The following USP12 variants were observed in gnomAD, a reference collection of about 807,000 sequenced individuals.
USP12 encodes ubiquitin specific peptidase 12.
Under a neutral mutation model 45.5 loss-of-function variants are expected in USP12, and 19 were observed. The observed-to-expected ratio is 0.42, with a 90% CI of 0.29 to 0.61. USP12 has a LOEUF of 0.61. Among genes scored for constraint, USP12 ranks in the 20% least tolerant of loss-of-function variants. The pLI is 0.22. For synonymous variants in USP12, 149 were observed against 148.8 expected (o/e 1.00, Z -0.01); for missense variants, 242 against 447.7 (o/e 0.54, Z 4.15).
At chr13:27,072,694 T>C (rs1473932738) in intron 7 of USP12, among the ~76,000 whole-genome samples, 4 of 151,172 alleles carry the variant, frequency 2.6e-5, no homozygotes, top group Admixed American at 6.6e-5. Flanking sequence ...AGACAGGAGG[T>C]AGAAGGGAGA....
chr13:27,168,922 TA>T (rs1190205678), intron 1 of USP12: 1 of 152,210 alleles, frequency 6.6e-6, no homozygotes, highest in Non-Finnish European at 1.5e-5. Flanking sequence ...CAACTCATCC[TA>T]AATGTTTTCA....
At chr13:27,146,923 C>T (rs1361293731) in intron 1 of USP12, among the ~76,000 whole-genome samples, 2 of 152,088 alleles carry the variant, frequency 1.3e-5, no homozygotes, top group African/African-American at 2.4e-5. Context: ...GAAATTTGGA[C>T]ACAGACACAG....
At chr13:27,118,908 C>G (rs541969466) in intron 1 of USP12, among the ~76,000 whole-genome samples, 1 of 152,330 alleles carries the variant, frequency 6.6e-6, no homozygotes, top group African/African-American at 2.4e-5. Context: ...GTACCACATA[C>G]TTTCATGCCT....
intron 6 of USP12, among the ~76,000 whole-genome samples, chr13:27,087,550 C>T (rs531920017): frequency 1.3e-5 from 2 of 152,310 alleles, no homozygotes; most frequent in East Asian, 1.9e-4. Context: ...TTTATAAATA[C>T]TCATCTATCC....
chr13:27,110,127 T>TAAAAAAAAAAAAAAAA (rs1555234986), intron 2 of USP12, among the ~76,000 whole-genome samples: 1 of 119,620 alleles, frequency 8.4e-6, no homozygotes, highest in African/African-American at 3.2e-5. Flanking sequence ...CTTTTCCAGG[T>TAAAAAAAAAAAAAAAA]AAAAAAAAAA....
At chr13:27,070,194 T>C (rs2137749629) in intron 8 of USP12, among the ~76,000 whole-genome samples, 1 of 152,314 alleles carries the variant, frequency 6.6e-6, no homozygotes, top group South Asian at 2.1e-4. Context: ...GTGAATAAAG[T>C]CTGACACAAA....
chr13:27,171,541 G>C (rs2137856695), intron 1 of USP12, 51 bp downstream of exon 1: 1 of 1,080,178 alleles, frequency 9.3e-7, no homozygotes, highest in Non-Finnish European at 1.2e-6. Context: ...AGCGCCGCCC[G>C]CCCGCCCGAG....
At chr13:27,154,828 T>A (rs61944155) in intron 1 of USP12, among the ~76,000 whole-genome samples, 3,181 of 151,890 alleles carry the variant, frequency 0.021, 45 homozygotes, top group Non-Finnish European at 0.032. Context: ...AAGGGTCTGG[T>A]AAGTGAAAGA....
intron 1 of USP12, among the ~76,000 whole-genome samples, chr13:27,165,223 G>A (rs572476127): frequency 7.4e-4 from 113 of 151,982 alleles, no homozygotes; most frequent in Admixed American, 2.7e-3. Context: ...CCAGATAAAA[G>A]AAATAAATTA....
intron 1 of USP12, among the ~76,000 whole-genome samples, chr13:27,165,918 A>G (rs969421247): frequency 1.3e-5 from 2 of 151,620 alleles, no homozygotes; most frequent in Non-Finnish European, 2.9e-5. Flanking sequence ...TGGGCTACAG[A>G]GCAAAAAAAA....
chr13:27,067,588 A>G lies in USP12; in HGVS notation c.*1695T>C, dbSNP rs1487651625. Reference sequence around the variant, plus strand: ...GCAGCCCAATTAAGTGACTCTGTTAAAGGTCTGCTTATGGAAAAAATAGGT... The same window carrying G: ...GCAGCCCAATTAAGTGACTCTGTTAGAGGTCTGCTTATGGAAAAAATAGGT... On this transcript the variant is annotated 3_prime_UTR_variant, in exon 9 of 9. Coordinates refer to ENST00000282344, the MANE Select transcript of USP12 (RefSeq NM_182488.4). 6.6e-6 allele frequency: 1 copy of G among 152,230 alleles called. No individual in the cohort carries two copies. Among genetic ancestry groups the G allele is most frequent in the African/African-American group, 2.4e-5 (1 of 41,470 alleles). The allele number at this position is 152,230 out of a possible 1,614,324, so 9.4% of individuals were successfully genotyped here.
In USP12 at chr13:27,067,121, A is replaced by G. The variant is rs1228218095; in HGVS notation, c.*2162T>C. 1 of 152,162 alleles carries G rather than the reference A, an allele frequency of 6.6e-6. No homozygotes were observed. Among genetic ancestry groups the G allele is most frequent in the Non-Finnish European group, 1.5e-5 (1 of 68,028 alleles). The allele number at this position is 152,162 out of a possible 1,614,324, so 9.4% of individuals were successfully genotyped here. On this transcript the variant is annotated 3_prime_UTR_variant, in exon 9 of 9. Coordinates refer to ENST00000282344, the MANE Select transcript of USP12 (RefSeq NM_182488.4). ...TAATATGAAATTTAACTTGGCTTTT[A>G]CGGCATGTTTTTTTTTAATGCAAAA... is the stretch of plus-strand genomic sequence containing the variant.
In USP12 at chr13:27,086,390, T is replaced by C. The variant is rs142935250; in HGVS notation, c.734+3493A>G. On this transcript the variant is annotated intron_variant, in intron 6 of 8. Transcript: ENST00000282344. ...TTTTTTAAGTGAAAAAGTTTCGAACTTGTACATAAAGTTTGATAGCATTTT... is the reference window on the plus strand; with the variant it reads ...TTTTTTAAGTGAAAAAGTTTCGAACCTGTACATAAAGTTTGATAGCATTTT... 1.6e-3 allele frequency among the ~76,000 whole-genome samples: 245 copies of C among 151,488 alleles called. 8 individuals are homozygous for C. In the East Asian group the frequency reaches 0.042, roughly 26 times the overall value.
At chr13:27,088,416 C>CA (rs11323861) in intron 6 of USP12, among the ~76,000 whole-genome samples, 54,160 of 93,560 alleles carry the variant, frequency 0.58, 16,380 homozygotes, top group South Asian at 0.71. Flanking sequence ...GACTCCGTCT[C>CA]AAAAAAAAAA....
chr13:27,118,854 C>A (rs1286932511), intron 1 of USP12, among the ~76,000 whole-genome samples: 4 of 152,174 alleles, frequency 2.6e-5, no homozygotes, highest in African/African-American at 9.7e-5. Context: ...ACATGCCACT[C>A]GCCTTGTATT....
intron 1 of USP12, among the ~76,000 whole-genome samples, chr13:27,122,040 A>C (rs1876015143): frequency 6.6e-6 from 1 of 152,076 alleles, no homozygotes. Context: ...GTAAAAACTC[A>C]ATGGTGTGGC....
chr13:27,134,429 T>A (rs1419585156), intron 1 of USP12, among the ~76,000 whole-genome samples: 2 of 151,934 alleles, frequency 1.3e-5, no homozygotes, highest in Non-Finnish European at 2.9e-5. Flanking sequence ...AAAATAAAAT[T>A]TCAATGAGTT....
At position 27,129,062 on chromosome 13, in the gene USP12, T is replaced by C. The variant is rs1449029441; in HGVS notation, c.49-12466A>G. On this transcript the variant is annotated intron_variant, in intron 1 of 8. Transcript: ENST00000282344. This position sits in a 1 kb window ranked among gnomAD's most constrained non-coding sequence, Gnocchi z 4.0. Reference sequence around the variant, plus strand: ...AAAGCAAATTATCATCAAACTTACATAGTTTTATCAAATACTCGGAATATT... The same window carrying C: ...AAAGCAAATTATCATCAAACTTACACAGTTTTATCAAATACTCGGAATATT... Among the ~76,000 whole-genome samples, 3 of 152,168 alleles carry C rather than the reference T, an allele frequency of 2.0e-5. No homozygotes were observed. The highest frequency in any genetic ancestry group is 6.5e-5 in the Admixed American group (1 of 15,270).
At chr13:27,071,842 G>A (rs1158048853) in intron 7 of USP12, among the ~76,000 whole-genome samples, 1 of 152,074 alleles carries the variant, frequency 6.6e-6, no homozygotes, top group Non-Finnish European at 1.5e-5. Flanking sequence ...AAAAGGATAT[G>A]ACAAAGGTTT....
Sources: allele counts gnomAD v4.1 joint callset (sites outside exome capture counted in the v4.1 genomes callset), GRCh38; gene constraint gnomAD v4.1.1; non-coding constraint Gnocchi (gnomAD v3.1); transcripts MANE v1.5; gene names NCBI Gene and HGNC (gene_info 2026-07-23, HGNC 2026-07-21).